Variants in GFM1 observed in about 807,000 individuals in gnomAD.
GFM1 encodes the protein G elongation factor mitochondrial 1, also known as elongation factor G, mitochondrial.
In GFM1, 62 loss-of-function variants were observed where a neutral mutation model predicts 96.2. That is an observed-to-expected ratio of 0.64 (90% CI 0.53 to 0.80). The LOEUF (loss-of-function observed/expected upper bound fraction) is 0.80, where lower values mean the gene tolerates loss of function less well. GFM1 is among the 30% of genes least tolerant of loss of function. The pLI is 0.00. For missense variants in GFM1, 852 were observed against 916.6 expected, an observed-to-expected ratio of 0.93 and a Z score of 0.91; for synonymous variants, 282 against 312.9, an observed-to-expected ratio of 0.90 and a Z score of 1.04.
chr3:158,672,712 T>C (rs1174403858), intron 13 of GFM1: 13 of 434,462 alleles, frequency 3.0e-5, no homozygotes, highest in Non-Finnish European at 5.1e-5. Flanking sequence ...GCCCCACTAC[T>C]GCCTGCAGCG....
At chr3:158,681,234 C>G (rs1725352383) in intron 13 of GFM1, among the ~76,000 whole-genome samples, 1 of 152,150 alleles carries the variant, frequency 6.6e-6, no homozygotes, top group Non-Finnish European at 1.5e-5. Flanking sequence ...CTGGCCTCTT[C>G]CATCTTGTGG....
intron 10 of GFM1, 49 bp downstream of exon 10, chr3:158,661,024 T>C: frequency 6.9e-7 from 1 of 1,442,640 alleles, no homozygotes; most frequent in Non-Finnish European, 9.8e-7. Flanking sequence ...TTTAAAAGTC[T>C]GTGTTTTTAT....
rs1297889982 is a variant in GFM1 at position 158,694,361 on chromosome 3, AT to A, written c.*2895del. Among the ~76,000 whole-genome samples the A allele has an allele frequency of 6.6e-6, 1 of 152,204 alleles. No homozygotes were observed. Among genetic ancestry groups the A allele is most frequent in the Non-Finnish European group, 1.5e-5 (1 of 68,032 alleles). On this transcript the variant is annotated 3_prime_UTR_variant, in exon 18 of 18. Transcript: ENST00000486715. Reference sequence around the variant, plus strand: ...AACCAAATACTGCATGTTCTCACTTATAAGTGGGAGCTAAATAATGAGAACA... The same window carrying A: ...AACCAAATACTGCATGTTCTCACTTAAAGTGGGAGCTAAATAATGAGAACA...
At chr3:158,666,429 AGCTTTTTATT>A in intron 13 of GFM1, 43 bp downstream of exon 13, 1 of 1,524,142 alleles carries the variant, frequency 6.6e-7, no homozygotes, top group South Asian at 1.1e-5. Context: ...CTGAAATTGA[AGCTTTTTATT>A]TTGGATATAC....
intron 1 of GFM1, 83 bp downstream of exon 1, chr3:158,644,798 C>A: frequency 4.2e-6 from 5 of 1,196,286 alleles, no homozygotes; most frequent in Non-Finnish European, 6.1e-6. Flanking sequence ...CGTGACACCC[C>A]CTGGGTCCTC....
chr3:158,668,836 A>G (rs1723978827), intron 13 of GFM1, among the ~76,000 whole-genome samples: 1 of 152,064 alleles, frequency 6.6e-6, no homozygotes, highest in Admixed American at 6.6e-5. Flanking sequence ...ACAATTCTTC[A>G]CCTTCTCTAA....
intron 13 of GFM1, chr3:158,666,812 A>G: frequency 6.7e-7 from 1 of 1,500,538 alleles, no homozygotes; most frequent in Non-Finnish European, 9.2e-7. Flanking sequence ...AGTTGGGTTT[A>G]TGTTTTGTTA....
At chr3:158,672,795 G>C in intron 13 of GFM1, 1 of 293,220 alleles carries the variant, frequency 3.4e-6, no homozygotes, top group Non-Finnish European at 6.8e-6. Flanking sequence ...AGCAGGTGGA[G>C]GTGTGGGGAG....
At chr3:158,682,539 C>G in intron 14 of GFM1, 1 of 222,790 alleles carries the variant, frequency 4.5e-6, no homozygotes, top group Non-Finnish European at 9.2e-6. Context: ...TGTCTCATGT[C>G]TACTACTGAT....
chr3:158,646,542 G>T (rs1309522704), intron 3 of GFM1, among the ~76,000 whole-genome samples: 1 of 152,146 alleles, frequency 6.6e-6, no homozygotes, highest in African/African-American at 2.4e-5. Flanking sequence ...GATTCTAAAG[G>T]TGCCTGTGCC....
rs1029494701 is a variant in GFM1 at position 158,644,584 on chromosome 3, A to T, written c.-51A>T. Reference sequence around the variant, plus strand: ...GACCGCTTCCCGGTGCGTTACCGGCAGCTGAACCCACCCGGCGCCACGGGA... The same window carrying T: ...GACCGCTTCCCGGTGCGTTACCGGCTGCTGAACCCACCCGGCGCCACGGGA... On this transcript the variant is annotated 5_prime_UTR_variant, in exon 1 of 18. Coordinates refer to ENST00000486715, the MANE Select transcript of GFM1 (RefSeq NM_024996.7). 1 of 1,476,734 alleles carries T rather than the reference A, an allele frequency of 6.8e-7. No homozygotes were observed. The highest frequency in any genetic ancestry group is 1.4e-5 in the African/African-American group (1 of 71,136). 91.5% of individuals were successfully genotyped at this position (1,476,734 alleles called of 1,614,324 possible). A position where few individuals can be genotyped will look rare whatever the true frequency, so the allele number is the denominator to read the frequency against.
intron 16 of GFM1, 66 bp from the exon 17 acceptor site, chr3:158,691,073 C>A: frequency 9.4e-7 from 1 of 1,059,962 alleles, no homozygotes; most frequent in Non-Finnish European, 1.5e-6. Context: ...GGCTAAAATG[C>A]GTCTGTATTT....
chr3:158,657,474 T>C (rs917673915), intron 8 of GFM1: 2 of 152,212 alleles, frequency 1.3e-5, no homozygotes, highest in Non-Finnish European at 2.9e-5. Context: ...AAGAATTCTA[T>C]TGTAATCTTT....
intron 11 of GFM1, 70 bp from the exon 12 acceptor site, chr3:158,665,267 A>G: frequency 8.7e-7 from 1 of 1,150,856 alleles, no homozygotes; most frequent in Admixed American, 1.8e-5. Context: ...CATTCAGTAA[A>G]GTTTTTTCTA....
chr3:158,685,621 T>A (rs995212239), intron 15 of GFM1, among the ~76,000 whole-genome samples: 5 of 152,074 alleles, frequency 3.3e-5, no homozygotes, highest in African/African-American at 1.2e-4. Flanking sequence ...TTGGGGAGGG[T>A]TGCTGATTCC....
At position 158,694,272 on chromosome 3, in the gene GFM1, C is replaced by G. The variant is rs1327881595; in HGVS notation, c.*2805C>G. On this transcript the variant is annotated 3_prime_UTR_variant, in exon 18 of 18. Transcript: ENST00000486715. ...CCATAAAAAAAGAATGAGATCAAGT[C>G]CTTTGCAGGGACATAGATGGAGCTG... 6.6e-6 allele frequency among the ~76,000 whole-genome samples: 1 copy of G among 152,110 alleles called. No individual in the cohort carries two copies. Among genetic ancestry groups the G allele is most frequent in the Non-Finnish European group, 1.5e-5 (1 of 68,020 alleles).
At chr3:158,682,963 A>G (rs900997067) in intron 14 of GFM1, among the ~76,000 whole-genome samples, 1 of 151,898 alleles carries the variant, frequency 6.6e-6, no homozygotes, top group Non-Finnish European at 1.5e-5. Flanking sequence ...TGAGCCCAGA[A>G]GATGGAGACT....
At chr3:158,675,267 C>T (rs1273778392) in intron 13 of GFM1, among the ~76,000 whole-genome samples, 3 of 109,426 alleles carry the variant, frequency 2.7e-5, no homozygotes, top group Non-Finnish European at 5.0e-5. Flanking sequence ...GCCTGGGTGA[C>T]AGAGTGAGAC....
intron 13 of GFM1, among the ~76,000 whole-genome samples, chr3:158,678,287 A>G (rs1424688633): frequency 6.6e-6 from 1 of 152,208 alleles, no homozygotes; most frequent in African/African-American, 2.4e-5. Flanking sequence ...AAGTCTTATT[A>G]TTTAAGAAAT....
Sources: allele counts gnomAD v4.1 joint callset (sites outside exome capture counted in the v4.1 genomes callset), GRCh38; gene constraint gnomAD v4.1.1; transcripts MANE v1.5; gene names NCBI Gene and HGNC (gene_info 2026-07-23, HGNC 2026-07-21).